The following BFSP2 variants were observed in gnomAD, a reference collection of about 807,000 sequenced individuals.
BFSP2 encodes beaded filament structural protein 2.
BFSP2 carries 38 observed loss-of-function variants against 44.9 expected under a neutral mutation model. That is an observed-to-expected ratio of 0.85 (90% CI 0.65 to 1.11). The LOEUF (loss-of-function observed/expected upper bound fraction) is 1.11. Ranked by LOEUF, BFSP2 falls within the 50% of genes least tolerant of loss-of-function variation. The pLI, the probability that BFSP2 is intolerant of heterozygous loss-of-function variation, is 0.00. For missense variants in BFSP2, 525 were observed against 533.0 expected (o/e 0.99, Z 0.15); for synonymous variants, 197 against 209.9 (o/e 0.94, Z 0.53).
chr3:133,467,223 T>C lies in BFSP2; in HGVS notation c.1023+264T>C, dbSNP rs146130078. On this transcript the variant is annotated intron_variant, in intron 5 of 6. Transcript: ENST00000302334. The stretch of plus-strand genomic sequence containing the variant: ...TGTTAACATCTGCAGCCGCCCCTTT[T>C]CAGCTGCCCCACTGCTCCAGAGACC... Among the ~76,000 whole-genome samples, 56 of 152,294 alleles carry C rather than the reference T, an allele frequency of 3.7e-4. No homozygotes were observed. In the South Asian group the frequency reaches 4.6e-3, roughly 12 times the overall value.
chr3:133,409,598 G>A (rs2107879476), intron 1 of BFSP2, among the ~76,000 whole-genome samples: 1 of 152,228 alleles, frequency 6.6e-6, no homozygotes, highest in Non-Finnish European at 1.5e-5. Context: ...TCGAGGATAG[G>A]AAATATTCAA....
chr3:133,441,036 A>G (rs1277855626), intron 1 of BFSP2, among the ~76,000 whole-genome samples: 2 of 143,682 alleles, frequency 1.4e-5, no homozygotes, highest in Non-Finnish European at 3.0e-5. Flanking sequence ...TTTCAGATGC[A>G]ATCTTTTTTT....
chr3:133,451,840 A>G (rs1424041327), intron 4 of BFSP2, among the ~76,000 whole-genome samples: 1 of 152,206 alleles, frequency 6.6e-6, no homozygotes, highest in Non-Finnish European at 1.5e-5. Context: ...AGAAAATAGG[A>G]TGCATAGGGT....
At chr3:133,449,338 T>A (rs2073934382) in intron 3 of BFSP2, 1 of 152,394 alleles carries the variant, frequency 6.6e-6, no homozygotes, top group East Asian at 1.9e-4. Context: ...GATGCCAAAG[T>A]TATCTTTTAA....
intron 3 of BFSP2, chr3:133,448,851 G>A (rs1020176545): frequency 1.4e-5 from 9 of 628,726 alleles, no homozygotes; most frequent in Non-Finnish European, 2.5e-5. Flanking sequence ...ATAGCTTCAG[G>A]AACCAGTGTG....
At chr3:133,471,268 C>T (rs1473273386) in intron 5 of BFSP2, among the ~76,000 whole-genome samples, 1 of 152,126 alleles carries the variant, frequency 6.6e-6, no homozygotes, top group Admixed American at 6.5e-5. Context: ...GAGGGTACCA[C>T]AGGTGAGAGG....
chr3:133,444,381 G>A (rs2073877218), intron 1 of BFSP2, among the ~76,000 whole-genome samples: 1 of 152,110 alleles, frequency 6.6e-6, no homozygotes, highest in South Asian at 2.1e-4. Context: ...AGGAGGAAGG[G>A]AGTATTATTA....
intron 1 of BFSP2, among the ~76,000 whole-genome samples, chr3:133,419,931 G>A (rs575630723): frequency 3.0e-4 from 46 of 152,364 alleles, no homozygotes; most frequent in Admixed American, 5.2e-4. Context: ...GCCACAGGAG[G>A]TGAGCACCTG....
At chr3:133,433,524 C>CATG (rs2073749243) in intron 1 of BFSP2, among the ~76,000 whole-genome samples, 2 of 152,170 alleles carry the variant, frequency 1.3e-5, no homozygotes, top group African/African-American at 4.8e-5. Context: ...TTACTCAAAG[C>CATG]CCCGAGTCAG....
intron 1 of BFSP2, chr3:133,410,303 A>G: frequency 2.6e-6 from 1 of 380,912 alleles, no homozygotes; most frequent in South Asian, 2.0e-5. Flanking sequence ...AGTAGCCAGT[A>G]GACCGGTGCA....
At chr3:133,469,885 C>T (rs2074146230) in intron 5 of BFSP2, among the ~76,000 whole-genome samples, 1 of 152,212 alleles carries the variant, frequency 6.6e-6, no homozygotes, top group Non-Finnish European at 1.5e-5. Flanking sequence ...AACCTCAGGC[C>T]ACATGAAGAA....
intron 1 of BFSP2, among the ~76,000 whole-genome samples, chr3:133,429,045 G>A (rs2073682157): frequency 1.3e-5 from 2 of 151,950 alleles, no homozygotes; most frequent in African/African-American, 4.8e-5. Context: ...TTTAAAACCT[G>A]AAATCAAAGA....
chr3:133,454,077 G>T (rs2073991088), intron 4 of BFSP2, among the ~76,000 whole-genome samples: 1 of 152,162 alleles, frequency 6.6e-6, no homozygotes, highest in Non-Finnish European at 1.5e-5. Flanking sequence ...ACCTAATGCA[G>T]GGTACTCAGG....
chr3:133,448,411 C>T (rs2073923705), intron 2 of BFSP2, 78 bp from the exon 3 acceptor site: 19 of 1,541,286 alleles, frequency 1.2e-5, no homozygotes, highest in South Asian at 2.3e-5. Context: ...ACATAATTGG[C>T]CTGTTGGTAA....
chr3:133,468,139 C>T (rs2074129609), intron 5 of BFSP2, among the ~76,000 whole-genome samples: 1 of 152,152 alleles, frequency 6.6e-6, no homozygotes, highest in Non-Finnish European at 1.5e-5. Context: ...GTACCAAGTG[C>T]TTTGGAGACA....
intron 3 of BFSP2, 130 bp downstream of exon 3, chr3:133,448,775 A>T: frequency 4.1e-6 from 5 of 1,216,034 alleles, no homozygotes; most frequent in Non-Finnish European, 5.9e-6. Flanking sequence ...ACTGCAGGGA[A>T]CATACCTGTA....
chr3:133,404,322 T>C (rs944297983), intron 1 of BFSP2, among the ~76,000 whole-genome samples: 1 of 152,206 alleles, frequency 6.6e-6, no homozygotes, highest in Admixed American at 6.5e-5. Context: ...AACAGGTTCT[T>C]GGCCCACCTC....
intron 1 of BFSP2, among the ~76,000 whole-genome samples, chr3:133,424,404 G>C (rs908766929): frequency 1.3e-5 from 2 of 151,918 alleles, no homozygotes; most frequent in African/African-American, 2.4e-5. Context: ...AAGAAACCTC[G>C]TTTCTTTCCT....
At chr3:133,444,783 C>G (rs1044784143) in intron 1 of BFSP2, among the ~76,000 whole-genome samples, 8 of 152,180 alleles carry the variant, frequency 5.3e-5, no homozygotes, top group Admixed American at 4.6e-4. Flanking sequence ...CATCGTTCGT[C>G]CAGGCCACCA....
Sources: gnomAD v4.1 joint callset for allele counts (sites outside exome capture counted in the v4.1 genomes callset) on GRCh38, gnomAD v4.1.1 for gene constraint, MANE v1.5 for transcripts, NCBI Gene and HGNC (gene_info 2026-07-23, HGNC 2026-07-21) for gene names.